The following ABR variants were observed in gnomAD, a reference collection of about 807,000 sequenced individuals.
The protein encoded by ABR is ABR activator of RhoGEF and GTPase.
ABR carries 35 observed loss-of-function variants against 107.2 expected under a neutral mutation model. That is an observed-to-expected ratio of 0.33 (90% confidence interval 0.25 to 0.43). The LOEUF (loss-of-function observed/expected upper bound fraction) is 0.43, where lower values mean the gene tolerates loss of function less well. Among genes scored for constraint, ABR ranks in the 20% least tolerant of loss-of-function variants. The pLI is 1.00. For synonymous variants in ABR, 498 were observed against 462.0 expected (o/e 1.08, Z -1.00); for missense variants, 815 against 1,115.2 (o/e 0.73, Z 3.83).
chr17:1,041,864 G>A (rs1488996361), intron 16 of ABR, among the ~76,000 whole-genome samples: 2 of 152,212 alleles, frequency 1.3e-5, no homozygotes, highest in Admixed American at 1.3e-4. Context: ...GACCAGGGGA[G>A]GAAAGAGCTG....
chr17:1,186,056 C>T (rs1373788996), intron 1 of ABR, among the ~76,000 whole-genome samples: 4 of 152,164 alleles, frequency 2.6e-5, no homozygotes, highest in East Asian at 1.9e-4. Flanking sequence ...AGGCTGGTCT[C>T]GAACTCCCAA....
chr17:1,201,685 TTTG>T (rs747550304), intron 1 of ABR, among the ~76,000 whole-genome samples: 1 of 152,052 alleles, frequency 6.6e-6, no homozygotes, highest in Non-Finnish European at 1.5e-5. Context: ...TGCTTGTTTG[TTTG>T]TTTTTTTGAG....
At chr17:1,176,956 T>C (rs1240045493) in intron 1 of ABR, among the ~76,000 whole-genome samples, 1 of 151,576 alleles carries the variant, frequency 6.6e-6, no homozygotes, top group Non-Finnish European at 1.5e-5. Context: ...GCTATTATCA[T>C]TGTTACCAGG....
chr17:1,042,495 TATGGCACCTACATCCAC>T (rs2030757164), intron 16 of ABR, among the ~76,000 whole-genome samples: 5 of 121,436 alleles, frequency 4.1e-5, no homozygotes, highest in South Asian at 2.7e-4. Flanking sequence ...GACAAACAGA[TATGGCACCTACATCCAC>T]GGACGGATGG....
chr17:1,026,371 C>T (rs1396486879), intron 16 of ABR, among the ~76,000 whole-genome samples: 2 of 152,236 alleles, frequency 1.3e-5, no homozygotes, highest in Non-Finnish European at 2.9e-5. Flanking sequence ...ATCCAGGCAT[C>T]GGATGGGAAG....
chr17:1,062,349 G>A lies in ABR; in HGVS notation c.1183-3482C>T, dbSNP rs1315140995. 4.0e-5 allele frequency among the ~76,000 whole-genome samples: 6 copies of A among 148,508 alleles called. No homozygotes were observed. In the South Asian group the frequency reaches 1.3e-3, roughly 32 times the overall value. ...GTTATGTGAACTGAGGGCTATGCAT[G>A]TTCCTCTAGACGCTGCTGTTATGTG... is the stretch of plus-strand genomic sequence containing the variant. On this transcript the variant is annotated intron_variant, in intron 10 of 22. Coordinates refer to ENST00000302538, the MANE Select transcript of ABR (RefSeq NM_021962.5).
chr17:1,204,091 G>GCCA (rs1435836658), intron 1 of ABR, among the ~76,000 whole-genome samples: 3 of 152,142 alleles, frequency 2.0e-5, no homozygotes, highest in Admixed American at 1.3e-4. Context: ...CCCCGCAGAA[G>GCCA]CCACCACCAG....
At chr17:1,105,960 G>A (rs897382540) in intron 2 of ABR, among the ~76,000 whole-genome samples, 5 of 152,110 alleles carry the variant, frequency 3.3e-5, no homozygotes, top group African/African-American at 1.2e-4. Context: ...CCTTAAAATA[G>A]CACCTTCTAC....
At chr17:1,075,972 G>A (rs1243722258) in intron 6 of ABR, among the ~76,000 whole-genome samples, 1 of 152,202 alleles carries the variant, frequency 6.6e-6, no homozygotes, top group East Asian at 1.9e-4. Flanking sequence ...AATCCAGGAG[G>A]CAGAGGTTGC....
At chr17:1,129,215 C>T (rs1009463928) in intron 1 of ABR, among the ~76,000 whole-genome samples, 1 of 152,116 alleles carries the variant, frequency 6.6e-6, no homozygotes, top group East Asian at 1.9e-4. Context: ...AGCATTAGGA[C>T]AAATACCTAA....
At chr17:1,197,752 T>C (rs1486715550) in intron 1 of ABR, among the ~76,000 whole-genome samples, 2 of 151,420 alleles carry the variant, frequency 1.3e-5, no homozygotes, top group African/African-American at 2.4e-5. Flanking sequence ...TTGCTCCCTA[T>C]AGCCAACATC....
chr17:1,080,298 A>G (rs900081021), intron 5 of ABR, among the ~76,000 whole-genome samples: 7 of 152,108 alleles, frequency 4.6e-5, no homozygotes, highest in Non-Finnish European at 1.0e-4. Flanking sequence ...AGGAACAGCC[A>G]ATGCCCCTCC....
intron 16 of ABR, among the ~76,000 whole-genome samples, chr17:1,017,956 T>G (rs994299187): frequency 1.3e-5 from 2 of 151,994 alleles, no homozygotes; most frequent in Non-Finnish European, 2.9e-5. Flanking sequence ...GCTGCTATGT[T>G]GCCCTGGGCT....
At position 1,195,269 on chromosome 17, in the gene ABR, A is replaced by T. The variant is rs1353606408; in HGVS notation, c.838+33524T>A. Among the ~76,000 whole-genome samples, 44 of 120,072 alleles carry T rather than the reference A, an allele frequency of 3.7e-4. 2 individuals carry two copies. The highest frequency in any genetic ancestry group is 6.3e-4 in the Non-Finnish European group (36 of 57,302). 78.8% of individuals were successfully genotyped at this position (120,072 alleles called of 152,430 possible). Reference sequence around the variant, plus strand: ...TTGCAGTGAGCGGAGATCGCGCCACAGCACTCCAGCCTGGGCGACAGAATG... The same window carrying T: ...TTGCAGTGAGCGGAGATCGCGCCACTGCACTCCAGCCTGGGCGACAGAATG... On this transcript the variant is annotated intron_variant, in intron 1 of 22. Coordinates refer to the ABR transcript ENST00000574139.
chr17:1,006,086 G>T lies in ABR; in HGVS notation c.2574C>A (p.Asp858Glu), dbSNP rs35089910. The change falls in exon 23 of 23, where the codon GAC (aspartate) becomes GAA (glutamate). Residue 858 changes from aspartate (D) to glutamate (E), a missense_variant. Around this residue, in one of 5 missense-constraint regions of ABR, gnomAD observed 34 missense variants for 26.8 expected, o/e 1.27. Coordinates refer to ENST00000302538, the MANE Select transcript of ABR (RefSeq NM_021962.5). ...LKRNTLYFST[D>E]V ...GCAGCCACCCTGCCTCGGGCTACAC[G>T]TCGGTGGAGAAGTACAGTGTGTTCC... 1.9e-6 allele frequency: 3 copies of T among 1,568,082 alleles called. No homozygotes were observed. The East Asian group carries it at 7.1e-5, about 37-fold the overall frequency.
chr17:1,133,403 T>C (rs1252040722), intron 1 of ABR, among the ~76,000 whole-genome samples: 3 of 152,160 alleles, frequency 2.0e-5, no homozygotes, highest in South Asian at 4.1e-4. Context: ...GTCACAGGGC[T>C]GTCTGTAAGT....
At chr17:1,046,379 G>A (rs1010624324) in intron 16 of ABR, among the ~76,000 whole-genome samples, 15 of 149,330 alleles carry the variant, frequency 1.0e-4, no homozygotes, top group Non-Finnish European at 1.8e-4. Flanking sequence ...CTTGTAATCC[G>A]CCCGCCTCGG....
At chr17:1,122,890 C>T (rs763214055) in intron 2 of ABR, among the ~76,000 whole-genome samples, 4 of 152,156 alleles carry the variant, frequency 2.6e-5, no homozygotes, top group Non-Finnish European at 5.9e-5. Context: ...TAAGGCGGTG[C>T]CAGAAGCCAG....
In ABR at chr17:1,018,249, A is replaced by G. The variant is rs570507613; in HGVS notation, c.1792-5085T>C. Among the ~76,000 whole-genome samples, 186 of 151,360 alleles carry G rather than the reference A, an allele frequency of 1.2e-3. 1 individual carries two copies. The highest frequency in any genetic ancestry group is 3.1e-3 in the South Asian group (15 of 4,772). On this transcript the variant is annotated intron_variant, in intron 16 of 22. Transcript: ENST00000302538. ...AGTAGAGACGGGGTTTCACCGTGTTAGCCAGGATGGTCTTGATCTCCTGAC... is the reference window on the plus strand; with the variant it reads ...AGTAGAGACGGGGTTTCACCGTGTTGGCCAGGATGGTCTTGATCTCCTGAC...
Sources: allele counts gnomAD v4.1 joint callset (sites outside exome capture counted in the v4.1 genomes callset), GRCh38; gene constraint gnomAD v4.1.1; regional missense constraint gnomAD v4.1.1; transcripts MANE v1.5; gene names NCBI Gene and HGNC (gene_info 2026-07-23, HGNC 2026-07-21).